SETBP1: variants seen among roughly 807,000 people sequenced by gnomAD.
The protein encoded by SETBP1 is SET-binding protein.
In SETBP1, 9 loss-of-function variants were observed where a neutral mutation model predicts 101.0. The ratio of observed to expected loss-of-function variants is 0.09; its 90% CI spans 0.05 to 0.16. The LOEUF (loss-of-function observed/expected upper bound fraction) is 0.16. Ranked by LOEUF, SETBP1 falls within the 10% of genes least tolerant of loss-of-function variation. SETBP1 has a pLI of 1.00. For synonymous variants in SETBP1, 818 were observed against 788.5 expected (o/e 1.04, Z -0.63); for missense variants, 1,858 against 2,033.8 (o/e 0.91, Z 1.66).
At chr18:44,824,869 G>A (rs866988507) in intron 2 of SETBP1, among the ~76,000 whole-genome samples, 2 of 152,212 alleles carry the variant, frequency 1.3e-5, no homozygotes, top group Non-Finnish European at 2.9e-5. Flanking sequence ...AAGTAGGTAA[G>A]GGAGGGAAAT....
chr18:44,898,651 A>G (rs976841916), intron 3 of SETBP1, among the ~76,000 whole-genome samples: 17 of 152,026 alleles, frequency 1.1e-4, no homozygotes, highest in African/African-American at 3.6e-4. Flanking sequence ...TTCGAGTTCT[A>G]CTGTACAGTC....
At chr18:44,789,920 G>A (rs58976925) in intron 2 of SETBP1, among the ~76,000 whole-genome samples, 188 of 152,272 alleles carry the variant, frequency 1.2e-3, no homozygotes, top group African/African-American at 4.2e-3. Context: ...TGCTGGCCCC[G>A]GGAGAGTCAG....
intron 2 of SETBP1, among the ~76,000 whole-genome samples, chr18:44,707,993 T>A (rs2069258776): frequency 6.6e-6 from 1 of 152,186 alleles, no homozygotes; most frequent in Non-Finnish European, 1.5e-5. Flanking sequence ...AGAAGCACAT[T>A]TCTCTCTTGA....
chr18:45,063,133 G>A lies in SETBP1; in HGVS notation c.4226G>A (p.Cys1409Tyr). ...FKRREIEAIQ[C>Y]EVRKMCNYTK... Reference sequence around the variant, plus strand: ...CGGCGGGAGATCGAAGCCATCCAGTGCGAAGTGCGGAAGATGTGCAACTAC... The same window carrying A: ...CGGCGGGAGATCGAAGCCATCCAGTACGAAGTGCGGAAGATGTGCAACTAC... The change falls in exon 6 of 6, where the codon TGC becomes TAC. Residue 1409 changes from cysteine (C) to tyrosine (Y), a missense_variant. This residue lies in a region of SETBP1 where 417 missense variants were observed against 389.1 expected (regional missense o/e 1.07). Coordinates refer to ENST00000649279, the MANE Select transcript of SETBP1 (RefSeq NM_015559.3). 1 of 1,613,976 alleles carries A rather than the reference G, an allele frequency of 6.2e-7. No individual in the cohort carries two copies. Among genetic ancestry groups the A allele is most frequent in the Non-Finnish European group, 8.5e-7 (1 of 1,180,000 alleles).
chr18:44,778,819 G>A (rs1165902060), intron 2 of SETBP1, among the ~76,000 whole-genome samples: 2 of 152,246 alleles, frequency 1.3e-5, no homozygotes, highest in Admixed American at 1.3e-4. Flanking sequence ...GCAGACCAGG[G>A]ATCTCTCCCC....
At chr18:45,051,850 T>A (rs188126346) in intron 5 of SETBP1, among the ~76,000 whole-genome samples, 2 of 152,360 alleles carry the variant, frequency 1.3e-5, no homozygotes, top group Non-Finnish European at 2.9e-5. Context: ...TATTTCACAG[T>A]ACTTGGTTCT....
At chr18:44,861,355 C>G (rs1354601706) in intron 2 of SETBP1, among the ~76,000 whole-genome samples, 4 of 150,292 alleles carry the variant, frequency 2.7e-5, no homozygotes, top group Non-Finnish European at 5.9e-5. Context: ...TCTCCTGCCT[C>G]AGCCTCCCGA....
intron 2 of SETBP1, among the ~76,000 whole-genome samples, chr18:44,859,491 G>A (rs1425584539): frequency 6.6e-6 from 1 of 152,180 alleles, no homozygotes; most frequent in Non-Finnish European, 1.5e-5. Context: ...ATGATTCAGA[G>A]CTATGTCCAC....
chr18:44,912,946 C>T (rs1168498336), intron 3 of SETBP1, among the ~76,000 whole-genome samples: 2 of 152,134 alleles, frequency 1.3e-5, no homozygotes, highest in Non-Finnish European at 2.9e-5. Context: ...TCTGGCACCT[C>T]TCTTCAGTGT....
chr18:44,721,248 C>T (rs1292502528), intron 2 of SETBP1, among the ~76,000 whole-genome samples: 1 of 152,092 alleles, frequency 6.6e-6, no homozygotes, highest in African/African-American at 2.4e-5. Context: ...CTGGAAAGGG[C>T]CTTGCATGAA....
At chr18:44,906,594 T>G (rs1199508953) in intron 3 of SETBP1, among the ~76,000 whole-genome samples, 1 of 152,212 alleles carries the variant, frequency 6.6e-6, no homozygotes, top group Non-Finnish European at 1.5e-5. Flanking sequence ...GGAACTACAA[T>G]TTGACTAGAT....
intron 2 of SETBP1, among the ~76,000 whole-genome samples, chr18:44,713,028 T>G (rs1424614812): frequency 4.1e-5 from 6 of 147,950 alleles, no homozygotes; most frequent in South Asian, 2.2e-4. Context: ...GTGTGATCTC[T>G]GCTTACTGCA....
intron 2 of SETBP1, among the ~76,000 whole-genome samples, chr18:44,852,791 C>T (rs985446444): frequency 7.9e-5 from 12 of 152,190 alleles, no homozygotes; most frequent in African/African-American, 2.9e-4. Flanking sequence ...AAGCATCTAC[C>T]AGCTTCTCCT....
intron 2 of SETBP1, among the ~76,000 whole-genome samples, chr18:44,716,863 G>T (rs1413337812): frequency 1.3e-5 from 2 of 152,158 alleles, no homozygotes; most frequent in Non-Finnish European, 2.9e-5. Context: ...CCCTTATCCA[G>T]GTGAGTCATT....
chr18:44,995,545 G>T (rs1160572208), intron 4 of SETBP1, among the ~76,000 whole-genome samples: 35 of 151,018 alleles, frequency 2.3e-4, no homozygotes, highest in African/African-American at 7.8e-4. Flanking sequence ...GTGTGTGTGT[G>T]TGTGTGTGTG....
At chr18:44,976,934 C>G (rs1190624614) in intron 4 of SETBP1, among the ~76,000 whole-genome samples, 1 of 152,174 alleles carries the variant, frequency 6.6e-6, no homozygotes, top group Non-Finnish European at 1.5e-5. Context: ...CTATACGCTT[C>G]AGTTTCTGTA....
chr18:44,989,885 AAAAAAAAAAAAAAAAAAAAAAAT>A (rs1178772116), intron 4 of SETBP1, among the ~76,000 whole-genome samples: 5,560 of 134,216 alleles, frequency 0.041, 594 homozygotes, highest in African/African-American at 0.16. Flanking sequence ...AAAAAAAAAA[AAAAAAAAAAAAAAAAAAAAAAAT>A]TTATCTAAGT....
At chr18:44,770,884 C>T (rs2070857519) in intron 2 of SETBP1, among the ~76,000 whole-genome samples, 1 of 152,010 alleles carries the variant, frequency 6.6e-6, no homozygotes, top group African/African-American at 2.4e-5. Flanking sequence ...AGGTGTGACT[C>T]CAGACCCAGG....
At chr18:45,044,964 G>T (rs1162372923) in intron 5 of SETBP1, among the ~76,000 whole-genome samples, 1 of 152,042 alleles carries the variant, frequency 6.6e-6, no homozygotes, top group African/African-American at 2.4e-5. Flanking sequence ...TTCTTTGCTG[G>T]GCAAAAGTCC....
Sources: allele counts gnomAD v4.1 joint callset (sites outside exome capture counted in the v4.1 genomes callset), GRCh38; gene constraint gnomAD v4.1.1; regional missense constraint gnomAD v4.1.1; transcripts MANE v1.5; gene names NCBI Gene and HGNC (gene_info 2026-07-23, HGNC 2026-07-21).